The following SEPTIN7 variants were observed in gnomAD, a reference collection of about 807,000 sequenced individuals.
The protein encoded by SEPTIN7 is septin-7.
SEPTIN7 carries 10 observed loss-of-function variants against 63.3 expected under a neutral mutation model. That is an observed-to-expected ratio of 0.16 (90% confidence interval 0.10 to 0.27). The LOEUF is 0.27. Among genes scored for constraint, SEPTIN7 ranks in the 10% least tolerant of loss-of-function variants. The pLI is 1.00. For synonymous variants in SEPTIN7, 131 were observed against 165.3 expected, an observed-to-expected ratio of 0.79 and a Z score of 1.59; for missense variants, 310 against 521.0, an observed-to-expected ratio of 0.59 and a Z score of 3.94.
chr7:35,831,815 C>T (rs1783845905), intron 2 of SEPTIN7: 1 of 258,054 alleles, frequency 3.9e-6, no homozygotes. Flanking sequence ...ACATTGTAGA[C>T]TTCTGTTCTT....
intron 1 of SEPTIN7, among the ~76,000 whole-genome samples, chr7:35,804,918 C>CCT (rs1258767826): frequency 2.0e-5 from 3 of 148,534 alleles, no homozygotes; most frequent in African/African-American, 7.5e-5. Flanking sequence ...CTCACCGCAA[C>CCT]CTCTGTCTGC....
intron 5 of SEPTIN7, 104 bp downstream of exon 5, chr7:35,872,870 A>G: frequency 1.3e-6 from 1 of 748,010 alleles, no homozygotes; most frequent in South Asian, 1.7e-5. Flanking sequence ...AGCAAAGGTC[A>G]CCAAACTTCA....
chr7:35,894,941 G>T (rs1787873709), intron 11 of SEPTIN7, among the ~76,000 whole-genome samples: 1 of 152,164 alleles, frequency 6.6e-6, no homozygotes, highest in Non-Finnish European at 1.5e-5. Flanking sequence ...TGGCTTGCAG[G>T]AATTTTAACC....
At chr7:35,839,746 G>A (rs1320644353) in intron 3 of SEPTIN7, among the ~76,000 whole-genome samples, 2 of 152,044 alleles carry the variant, frequency 1.3e-5, no homozygotes, top group East Asian at 1.9e-4. Context: ...GTAGAGATGG[G>A]GTTTCACCAT....
chr7:35,860,424 A>G (rs1785443461), intron 3 of SEPTIN7, among the ~76,000 whole-genome samples: 1 of 152,130 alleles, frequency 6.6e-6, no homozygotes, highest in Admixed American at 6.5e-5. Context: ...TTGCCCTTGC[A>G]TTTACCTTTA....
intron 3 of SEPTIN7, among the ~76,000 whole-genome samples, chr7:35,851,495 A>T (rs1784956466): frequency 6.6e-6 from 1 of 152,168 alleles, no homozygotes; most frequent in Non-Finnish European, 1.5e-5. Flanking sequence ...AGAAATATGA[A>T]ATGTTACAGA....
intron 1 of SEPTIN7, among the ~76,000 whole-genome samples, chr7:35,816,121 G>A (rs537679197): frequency 8.5e-5 from 13 of 152,200 alleles, no homozygotes; most frequent in Non-Finnish European, 1.2e-4. Context: ...CCTTGAAAGC[G>A]TGATTTTGTG....
At chr7:35,890,958 G>C (rs1032723470) in intron 11 of SEPTIN7, among the ~76,000 whole-genome samples, 165 bp downstream of exon 11, 7 of 152,160 alleles carry the variant, frequency 4.6e-5, no homozygotes, top group African/African-American at 1.7e-4. Context: ...AATAGTAGAA[G>C]CTTTTTTGAA....
At chr7:35,848,945 A>G (rs1249422973) in intron 3 of SEPTIN7, among the ~76,000 whole-genome samples, 2 of 152,210 alleles carry the variant, frequency 1.3e-5, no homozygotes, top group African/African-American at 4.8e-5. Context: ...AAGCTGTTTG[A>G]ATTGGCAAAT....
At chr7:35,835,327 T>C (rs1334546417) in intron 3 of SEPTIN7, among the ~76,000 whole-genome samples, 4 of 152,212 alleles carry the variant, frequency 2.6e-5, no homozygotes, top group Non-Finnish European at 5.9e-5. Flanking sequence ...GCGGAAATAA[T>C]AGCCATCATT....
intron 10 of SEPTIN7, among the ~76,000 whole-genome samples, chr7:35,888,658 A>G (rs1368913972): frequency 6.6e-6 from 1 of 151,956 alleles, no homozygotes; most frequent in Non-Finnish European, 1.5e-5. Context: ...CGTCCCTACT[A>G]AAAATACAAG....
chr7:35,846,952 T>G (rs1293279263), intron 3 of SEPTIN7: 2 of 152,404 alleles, frequency 1.3e-5, no homozygotes, highest in Non-Finnish European at 2.9e-5. Flanking sequence ...AATTTGACAT[T>G]TAAAGGAGAT....
At chr7:35,902,518 A>G (rs1788385537) in intron 12 of SEPTIN7, 4 of 152,192 alleles carry the variant, frequency 2.6e-5, no homozygotes, top group Admixed American at 2.6e-4. Context: ...CATGAAGACC[A>G]ATGTCTGAGA....
chr7:35,915,574 G>A, the SEPTIN7 span, among the ~76,000 whole-genome samples: 7 of 152,108 alleles, frequency 4.6e-5, no homozygotes, highest in African/African-American at 7.2e-5. Flanking sequence ...CTGTTGCACC[G>A]TTTTTCATCT....
At position 35,801,127 on chromosome 7, in the gene SEPTIN7, C is replaced by T; in HGVS notation, c.-83C>T. 8.3e-7 allele frequency: 1 copy of T among 1,200,144 alleles called. No homozygotes were observed. The highest frequency in any genetic ancestry group is 1.1e-6 in the Non-Finnish European group (1 of 887,430). The allele number at this position is 1,200,144 out of a possible 1,614,324, so 74.3% of individuals were successfully genotyped here. A position where few individuals can be genotyped will look rare whatever the true frequency, so the allele number is the denominator to read the frequency against. On this transcript the variant is annotated 5_prime_UTR_variant, in exon 1 of 14. Coordinates refer to ENST00000350320, the MANE Select transcript of SEPTIN7 (RefSeq NM_001788.6). ...TAAGCAAGGCAGCTACGCCGGGCGGCTACGCTGCGGAATCGGCGTAGGCGC... is the reference window on the plus strand; with the variant it reads ...TAAGCAAGGCAGCTACGCCGGGCGGTTACGCTGCGGAATCGGCGTAGGCGC...
At chr7:35,826,022 A>G (rs1185419398) in intron 1 of SEPTIN7, among the ~76,000 whole-genome samples, 2 of 152,102 alleles carry the variant, frequency 1.3e-5, no homozygotes, top group East Asian at 1.9e-4. Flanking sequence ...GAACATAAAA[A>G]CTGATATTTA....
At chr7:35,843,562 A>ACCC (rs1160431119) in intron 3 of SEPTIN7, among the ~76,000 whole-genome samples, 28 of 152,358 alleles carry the variant, frequency 1.8e-4, no homozygotes. Flanking sequence ...ATTAATTGGT[A>ACCC]TGTGAATAGA....
Position 35,827,168 on chromosome 7 carries a change from A to G in SEPTIN7, c.62-4324A>G, listed in dbSNP as rs563993418. Among the ~76,000 whole-genome samples, 3 of 152,332 alleles carry G rather than the reference A, an allele frequency of 2.0e-5. 1 individual carries two copies. In the South Asian group the frequency reaches 6.2e-4, roughly 32 times the overall value. On this transcript the variant is annotated intron_variant, in intron 1 of 13. Coordinates refer to ENST00000350320, the MANE Select transcript of SEPTIN7 (RefSeq NM_001788.6). ...AGCAGATACGCTTTTAGAAAAGATT[A>G]TTTGATAAATGTTTCTTCTTAAATG...
At chr7:35,889,872 G>T (rs1295125856) in intron 10 of SEPTIN7, among the ~76,000 whole-genome samples, 1 of 152,114 alleles carries the variant, frequency 6.6e-6, no homozygotes, top group Non-Finnish European at 1.5e-5. Context: ...TTGTCTCCCA[G>T]AAGGGAGTTT....
Sources: allele counts gnomAD v4.1 joint callset (sites outside exome capture counted in the v4.1 genomes callset), GRCh38; gene constraint gnomAD v4.1.1; transcripts MANE v1.5; gene names NCBI Gene and HGNC (gene_info 2026-07-23, HGNC 2026-07-21).